VPS8: variants seen among roughly 807,000 people sequenced by gnomAD.
VPS8 encodes VPS8 subunit of CORVET complex.
VPS8 carries 129 observed loss-of-function variants against 216.4 expected under a neutral mutation model. The observed-to-expected ratio is 0.60, with a 90% CI of 0.52 to 0.69. The LOEUF (loss-of-function observed/expected upper bound fraction) is 0.69, where lower values mean the gene tolerates loss of function less well. Among genes scored for constraint, VPS8 ranks in the 30% least tolerant of loss-of-function variants. VPS8 has a pLI of 0.00. For synonymous variants in VPS8, 571 were observed against 565.4 expected, an observed-to-expected ratio of 1.01 and a Z score of -0.14; for missense variants, 1,531 against 1,683.5, an observed-to-expected ratio of 0.91 and a Z score of 1.59.
chr3:184,995,649 T>C (rs757176911), intron 43 of VPS8, among the ~76,000 whole-genome samples: 39 of 152,162 alleles, frequency 2.6e-4, no homozygotes, highest in Non-Finnish European at 5.4e-4. Context: ...CCAGATGATA[T>C]ATATGAATGT....
chr3:185,000,804 G>A (rs1012553522), intron 45 of VPS8, among the ~76,000 whole-genome samples: 2 of 151,850 alleles, frequency 1.3e-5, no homozygotes, highest in African/African-American at 2.4e-5. Context: ...TTGAGGTTTC[G>A]TCGTGTTAGC....
At chr3:184,832,567 A>G in intron 3 of VPS8, 122 bp from the exon 4 acceptor site, 5 of 783,746 alleles carry the variant, frequency 6.4e-6, no homozygotes, top group Middle Eastern at 3.8e-4. Context: ...ATAAGAATGC[A>G]TGGAATAGAG....
At chr3:185,044,824 C>T (rs1468105809) in intron 46 of VPS8, among the ~76,000 whole-genome samples, 1 of 152,124 alleles carries the variant, frequency 6.6e-6, no homozygotes, top group Non-Finnish European at 1.5e-5. Context: ...CTGGGACCTA[C>T]TGAGAGTTTT....
chr3:185,029,872 G>A (rs983619993), intron 46 of VPS8, among the ~76,000 whole-genome samples: 2 of 152,064 alleles, frequency 1.3e-5, no homozygotes, highest in Non-Finnish European at 2.9e-5. Flanking sequence ...CCCACAACAC[G>A]TATCTTTTTA....
intron 40 of VPS8, among the ~76,000 whole-genome samples, chr3:184,978,056 C>G (rs1749594606): frequency 6.6e-6 from 1 of 151,728 alleles, no homozygotes; most frequent in South Asian, 2.1e-4. Context: ...GTGAATCCAT[C>G]TGGTCCTGGC....
chr3:185,015,929 G>A lies in VPS8; in HGVS notation c.4003-8407G>A, dbSNP rs1308270696. Among the ~76,000 whole-genome samples, 3 of 152,240 alleles carry A rather than the reference G, an allele frequency of 2.0e-5. No individual in the cohort carries two copies. In the East Asian group the frequency reaches 5.8e-4, roughly 29 times the overall value. ...GTCCTGCTCTTGGGCAATAACACCA[G>A]TGGGTGAATGCTGAGTTGGAAAAAT... On this transcript the variant is annotated intron_variant, in intron 45 of 47. Transcript: ENST00000625842.
intron 25 of VPS8, among the ~76,000 whole-genome samples, chr3:184,910,760 A>C (rs970138507): frequency 5.3e-5 from 8 of 152,080 alleles, no homozygotes. Context: ...CTATGTGTGC[A>C]GTTCAGAGTA....
intron 3 of VPS8, among the ~76,000 whole-genome samples, chr3:184,826,573 A>G (rs77610600): frequency 0.019 from 2,856 of 152,308 alleles, 98 homozygotes; most frequent in African/African-American, 0.065. Context: ...TCTCTTGTTC[A>G]TCTTTAGGGT....
rs909553899 is a variant in VPS8, at chr3:184,942,281, T to C, written c.3035+2038T>C. Among the ~76,000 whole-genome samples the C allele has an allele frequency of 8.5e-5, 13 of 152,344 alleles. No individual in the cohort carries two copies. In the South Asian group the frequency reaches 2.7e-3, roughly 32 times the overall value. On this transcript the variant is annotated intron_variant, in intron 36 of 47. Transcript: ENST00000625842. ...AGACCCTTTATGAGTGCTGTGAAAG[T>C]TGTTTTGTTCACCAGTAAACCACAG...
At chr3:184,908,069 A>G (rs921633704) in intron 25 of VPS8, among the ~76,000 whole-genome samples, 5 of 152,106 alleles carry the variant, frequency 3.3e-5, no homozygotes, top group Non-Finnish European at 4.4e-5. Context: ...ATTAGTCCCA[A>G]CTACTAACAC....
At chr3:184,943,900 G>A (rs911225956) in intron 36 of VPS8, among the ~76,000 whole-genome samples, 3 of 152,148 alleles carry the variant, frequency 2.0e-5, no homozygotes, top group Admixed American at 2.0e-4. Context: ...TCAGGAGTTC[G>A]AGACCAACCT....
intron 8 of VPS8, among the ~76,000 whole-genome samples, chr3:184,845,399 T>G (rs1722926600): frequency 6.6e-6 from 1 of 152,186 alleles, no homozygotes; most frequent in African/African-American, 2.4e-5. Context: ...AAATTCTACC[T>G]TTTCTGAATT....
At chr3:184,842,957 G>A (rs1722463429) in intron 7 of VPS8, among the ~76,000 whole-genome samples, 1 of 151,484 alleles carries the variant, frequency 6.6e-6, no homozygotes, top group South Asian at 2.1e-4. Context: ...GTGTACTTCA[G>A]TAGATTATCT....
intron 45 of VPS8, 90 bp from the exon 46 acceptor site, chr3:185,024,246 A>G (rs1757046625): frequency 5.1e-6 from 6 of 1,177,884 alleles, no homozygotes; most frequent in Non-Finnish European, 6.1e-6. Flanking sequence ...TCTTAGTTAT[A>G]CCAATTCTAG....
chr3:184,961,351 C>T (rs1413200164), intron 37 of VPS8, among the ~76,000 whole-genome samples: 3 of 152,168 alleles, frequency 2.0e-5, no homozygotes, highest in African/African-American at 4.8e-5. Context: ...CTGCATCTGC[C>T]TCCTGAATTG....
intron 34 of VPS8, among the ~76,000 whole-genome samples, chr3:184,935,661 T>C (rs980280549): frequency 1.3e-5 from 2 of 152,186 alleles, no homozygotes; most frequent in African/African-American, 4.8e-5. Context: ...GTCAGTAGTG[T>C]CCAGGAAAGT....
chr3:185,007,854 T>C (rs1014561699), intron 45 of VPS8, among the ~76,000 whole-genome samples: 2 of 152,218 alleles, frequency 1.3e-5, no homozygotes, highest in Non-Finnish European at 2.9e-5. Context: ...TTATGTTCAC[T>C]AGCCATAATT....
intron 40 of VPS8, among the ~76,000 whole-genome samples, chr3:184,973,251 CATT>C (rs1264846129): frequency 6.6e-6 from 1 of 152,068 alleles, no homozygotes; most frequent in African/African-American, 2.4e-5. Flanking sequence ...AAATAACCAT[CATT>C]ATCATTTGGT....
intron 45 of VPS8, among the ~76,000 whole-genome samples, chr3:185,009,985 CAAAA>C (rs11367805): frequency 2.7e-4 from 25 of 91,398 alleles, no homozygotes; most frequent in African/African-American, 8.9e-4. Flanking sequence ...ACTTCAGGTC[CAAAA>C]AAAAAAAAAA....
Sources: gnomAD v4.1 joint callset for allele counts (sites outside exome capture counted in the v4.1 genomes callset) on GRCh38, gnomAD v4.1.1 for gene constraint, MANE v1.5 for transcripts, NCBI Gene and HGNC (gene_info 2026-07-23, HGNC 2026-07-21) for gene names.